The following FUT8 variants were observed in gnomAD, a reference collection of about 807,000 sequenced individuals.
The protein encoded by FUT8 is fucosyltransferase 8, also known as alpha-(1,6)-fucosyltransferase.
Under a neutral mutation model 71.3 loss-of-function variants are expected in FUT8, and 29 were observed. The observed-to-expected ratio is 0.41, with a 90% CI of 0.30 to 0.55. The LOEUF is 0.55. Ranked by LOEUF, FUT8 falls within the 20% of genes least tolerant of loss-of-function variation. The pLI is 0.34. For synonymous variants in FUT8, 254 were observed against 239.3 expected (o/e 1.06, Z -0.57); for missense variants, 544 against 702.1 (o/e 0.77, Z 2.55).
chr14:65,652,932 A>C lies in FUT8; in HGVS notation c.598-16311A>C, dbSNP rs1332937642. Among the ~76,000 whole-genome samples, 1 of 152,104 alleles carries C rather than the reference A, an allele frequency of 6.6e-6. No individual in the cohort carries two copies. The highest frequency in any genetic ancestry group is 2.4e-5 in the African/African-American group (1 of 41,412). On this transcript the variant is annotated intron_variant, in intron 6 of 10. Transcript: ENST00000673929. The surrounding 1 kb of genome is among the most constrained non-coding windows in gnomAD (Gnocchi z 4.0). The stretch of plus-strand genomic sequence containing the variant: ...GGGATCATTGGCCATCTCTCTCTGT[A>C]TTGGTCTTTTCAGTATTGCAACTTC...
intron 6 of FUT8, among the ~76,000 whole-genome samples, chr14:65,636,983 C>G (rs1418042664): frequency 6.6e-6 from 1 of 152,140 alleles, no homozygotes; most frequent in Non-Finnish European, 1.5e-5. Flanking sequence ...ATGGATCAAG[C>G]AAATCTTGTA....
intron 2 of FUT8, among the ~76,000 whole-genome samples, chr14:65,457,235 G>A (rs1343081046): frequency 2.0e-5 from 3 of 152,024 alleles, no homozygotes; most frequent in African/African-American, 2.4e-5. Flanking sequence ...CTGTTAAAGC[G>A]CTGTGATGAT....
At chr14:65,694,838 A>C (rs1466614501) in intron 7 of FUT8, among the ~76,000 whole-genome samples, 1 of 145,490 alleles carries the variant, frequency 6.9e-6, no homozygotes, top group Non-Finnish European at 1.5e-5. Context: ...GTGGGAATTG[A>C]ACAATGAGAA....
chr14:65,726,787 A>G (rs775368755), intron 9 of FUT8, among the ~76,000 whole-genome samples: 3 of 152,212 alleles, frequency 2.0e-5, no homozygotes, highest in Non-Finnish European at 4.4e-5. Flanking sequence ...CAGAGTCCAA[A>G]GTCTCATCGA....
chr14:65,730,419 A>G (rs1402657469), intron 9 of FUT8, among the ~76,000 whole-genome samples: 1 of 152,190 alleles, frequency 6.6e-6, no homozygotes, highest in Non-Finnish European at 1.5e-5. Context: ...CACGATTGTA[A>G]TCCCAGCACT....
chr14:65,696,400 A>G (rs113885482), intron 7 of FUT8, among the ~76,000 whole-genome samples: 14 of 152,274 alleles, frequency 9.2e-5, no homozygotes, highest in African/African-American at 3.4e-4. Flanking sequence ...TCTTGCTTGC[A>G]TGATTCCTGA....
At chr14:65,682,445 C>T (rs1893083498) in intron 7 of FUT8, among the ~76,000 whole-genome samples, 1 of 151,776 alleles carries the variant, frequency 6.6e-6, no homozygotes, top group African/African-American at 2.4e-5. Context: ...TCCAAAGCTA[C>T]AGTGAACTAG....
chr14:65,442,852 T>C (rs2065682395), intron 1 of FUT8, among the ~76,000 whole-genome samples: 2 of 147,952 alleles, frequency 1.4e-5, no homozygotes. Context: ...AAGAATACAG[T>C]ATAGAGGGGC....
chr14:65,466,871 A>G (rs969622109), intron 2 of FUT8, among the ~76,000 whole-genome samples: 1 of 152,202 alleles, frequency 6.6e-6, no homozygotes, highest in Non-Finnish European at 1.5e-5. Flanking sequence ...TGGGTAGTGC[A>G]AATACCTTAC....
chr14:65,362,961 CAAAAAAAAAA>C, the FUT8 span, among the ~76,000 whole-genome samples: 3 of 69,350 alleles, frequency 4.3e-5, no homozygotes, highest in African/African-American at 5.6e-5. Flanking sequence ...GACTCTGTTT[CAAAAAAAAAA>C]AAAAAAAAAA....
chr14:65,676,059 C>A (rs1892703402), intron 7 of FUT8, among the ~76,000 whole-genome samples: 1 of 152,076 alleles, frequency 6.6e-6, no homozygotes, highest in Non-Finnish European at 1.5e-5. Flanking sequence ...AGATCCCCAT[C>A]CAAATTTCAA....
intron 7 of FUT8, among the ~76,000 whole-genome samples, chr14:65,717,351 A>G (rs1286263205): frequency 5.1e-3 from 252 of 49,814 alleles, no homozygotes; most frequent in Non-Finnish European, 6.0e-3. Flanking sequence ...CCGGGCAGAG[A>G]CGCTCCTCAC....
intron 3 of FUT8, among the ~76,000 whole-genome samples, chr14:65,600,988 A>G (rs1888261719): frequency 1.3e-5 from 2 of 152,118 alleles, no homozygotes; most frequent in South Asian, 4.1e-4. Context: ...ATGGACACGG[A>G]TTTCCTTGGA....
chr14:65,361,305 G>A, the FUT8 span, among the ~76,000 whole-genome samples: 10 of 147,286 alleles, frequency 6.8e-5, no homozygotes, highest in African/African-American at 2.3e-4. Flanking sequence ...GTGGTGAGCC[G>A]AGATTGTGCC....
chr14:65,568,266 C>T (rs990032743), intron 3 of FUT8, among the ~76,000 whole-genome samples: 24 of 151,520 alleles, frequency 1.6e-4, no homozygotes, highest in Admixed American at 3.3e-4. Context: ...GTAATGTCTC[C>T]TTTTTCATTC....
intron 2 of FUT8, chr14:65,457,822 AGGCCTGGTTTTG>A (rs1236435961): frequency 1.3e-5 from 2 of 152,238 alleles, no homozygotes; most frequent in Non-Finnish European, 2.9e-5. Context: ...AGGCAGGCCC[AGGCCTGGTTTTG>A]GGCCTGGTGC....
At chr14:65,486,208 C>T (rs1435829685) in intron 2 of FUT8, among the ~76,000 whole-genome samples, 1 of 152,104 alleles carries the variant, frequency 6.6e-6, no homozygotes, top group Non-Finnish European at 1.5e-5. Context: ...TAAAAAATCC[C>T]CCCAATTATT....
chr14:65,403,061 C>T, the FUT8 span, among the ~76,000 whole-genome samples: 1 of 152,148 alleles, frequency 6.6e-6, no homozygotes, highest in African/African-American at 2.4e-5. Context: ...ATTCTGTTTT[C>T]ATGTTATCTT....
At chr14:65,509,139 C>CAT (rs1421510596) in intron 2 of FUT8, among the ~76,000 whole-genome samples, 8 of 152,036 alleles carry the variant, frequency 5.3e-5, no homozygotes, top group Non-Finnish European at 8.8e-5. Flanking sequence ...CATTCTTCTG[C>CAT]ATATATATAT....
Sources: gnomAD v4.1 joint callset for allele counts (sites outside exome capture counted in the v4.1 genomes callset) on GRCh38, gnomAD v4.1.1 for gene constraint, Gnocchi (gnomAD v3.1) non-coding constraint, MANE v1.5 for transcripts, NCBI Gene and HGNC (gene_info 2026-07-23, HGNC 2026-07-21) for gene names.